The following NTAQ1 variants were observed in gnomAD, a reference collection of about 807,000 sequenced individuals.
NTAQ1 encodes the protein N-terminal glutamine amidase 1.
NTAQ1 carries 21 observed loss-of-function variants against 28.2 expected under a neutral mutation model. The observed-to-expected ratio is 0.74, with a 90% CI of 0.53 to 1.07. The LOEUF is 1.07. NTAQ1 is among the 50% of genes least tolerant of loss of function. The pLI is 0.00. For synonymous variants in NTAQ1, 105 were observed against 90.0 expected, an observed-to-expected ratio of 1.17 and a Z score of -0.94; for missense variants, 264 against 256.6, an observed-to-expected ratio of 1.03 and a Z score of -0.20.
chr8:123,460,218 G>A (rs775835322), intron 6 of NTAQ1, among the ~76,000 whole-genome samples: 2 of 152,050 alleles, frequency 1.3e-5, no homozygotes, highest in African/African-American at 4.8e-5. Flanking sequence ...TACTCATTTT[G>A]TGCCAGGCAC....
chr8:123,447,504 G>A (rs1815334800), intron 6 of NTAQ1, among the ~76,000 whole-genome samples: 1 of 152,166 alleles, frequency 6.6e-6, no homozygotes, highest in East Asian at 1.9e-4. Context: ...ACAATCTGAT[G>A]GGGTTGGCAC....
At chr8:123,448,323 G>A (rs1370389567), downstream of NTAQ1, 2 of 152,164 alleles carry the variant, frequency 1.3e-5, no homozygotes, top group African/African-American at 4.8e-5. Context: ...AGAATTTGTG[G>A]TGTTCCAGGC....
rs1815091940 is a variant in NTAQ1 at position 123,441,967 on chromosome 8, T to G, written c.*552T>G. 1 of 152,786 alleles carries G rather than the reference T, an allele frequency of 6.5e-6. No homozygotes were observed. The highest frequency in any genetic ancestry group is 2.1e-4 in the South Asian group (1 of 4,840). 9.5% of individuals were successfully genotyped at this position (152,786 alleles called of 1,614,324 possible). On this transcript the variant is annotated 3_prime_UTR_variant, in exon 6 of 6. Transcript: ENST00000287387. The stretch of plus-strand genomic sequence containing the variant: ...AAAAAGACTGCAGCCCTCTCAGACT[T>G]GAGCGTTAATTGGCTTATTTATTTA...
At chr8:123,452,161 T>C (rs1465236963), downstream of NTAQ1, among the ~76,000 whole-genome samples, 1 of 152,226 alleles carries the variant, frequency 6.6e-6, no homozygotes, top group African/African-American at 2.4e-5. Flanking sequence ...GCTCACAGTA[T>C]ACTTTTCCCC....
At chr8:123,466,379 G>T (rs1373742841) in intron 6 of NTAQ1, among the ~76,000 whole-genome samples, 2 of 152,184 alleles carry the variant, frequency 1.3e-5, no homozygotes, top group Non-Finnish European at 2.9e-5. Flanking sequence ...GAGGATTATG[G>T]CGCATGGTGC....
downstream of NTAQ1, among the ~76,000 whole-genome samples, chr8:123,470,445 A>T (rs533143193): frequency 5.4e-4 from 83 of 152,358 alleles, 1 homozygote; most frequent in African/African-American, 1.9e-3. Flanking sequence ...CTACAGGCTG[A>T]GGGTTACAAC....
rs191985514 is a variant in NTAQ1 at position 123,417,010 on chromosome 8, G to T, written c.83+78G>T. Reference sequence around the variant, plus strand: ...TCGCAACCGGGCCCCGCCTCTTCCCGGCCCCTCCTCGGGGGCGCTCCCGGC... The same window carrying T: ...TCGCAACCGGGCCCCGCCTCTTCCCTGCCCCTCCTCGGGGGCGCTCCCGGC... On this transcript the variant is annotated intron_variant, in intron 1 of 5. Coordinates refer to ENST00000287387, the MANE Select transcript of NTAQ1 (RefSeq NM_018024.3). The T allele has an allele frequency of 9.1e-4, 1,220 of 1,341,704 alleles. 7 individuals carry two copies. The African/African-American group carries it at 0.014, about 16-fold the overall frequency. The allele number at this position is 1,341,704 out of a possible 1,614,324, so 83.1% of individuals were successfully genotyped here.
At chr8:123,421,374 C>T (rs1478857202) in intron 1 of NTAQ1, among the ~76,000 whole-genome samples, 1 of 152,186 alleles carries the variant, frequency 6.6e-6, no homozygotes, top group East Asian at 1.9e-4. Flanking sequence ...GCTACTGCAC[C>T]TGGCCTGACT....
intron 6 of NTAQ1, chr8:123,455,244 C>G (rs1815613562): frequency 1.3e-5 from 2 of 152,344 alleles, no homozygotes; most frequent in African/African-American, 2.4e-5. Flanking sequence ...CCATGCACAC[C>G]TCCGTCCCTG....
chr8:123,441,520 T>A lies in NTAQ1; in HGVS notation c.*105T>A. On this transcript the variant is annotated 3_prime_UTR_variant, in exon 6 of 6. Transcript: ENST00000287387. ...ATGGTACAGTTGGCTTGGAATTATG[T>A]CTTTCTCTTTTAATTTGATTGAGTG... 1 of 848,932 alleles carries A rather than the reference T, an allele frequency of 1.2e-6. No homozygotes were observed. Among genetic ancestry groups the A allele is most frequent in the Non-Finnish European group, 1.9e-6 (1 of 530,106 alleles). The allele number at this position is 848,932 out of a possible 1,614,324, so 52.6% of individuals were successfully genotyped here.
At chr8:123,418,733 A>T (rs915236926) in intron 1 of NTAQ1, among the ~76,000 whole-genome samples, 4 of 152,210 alleles carry the variant, frequency 2.6e-5, no homozygotes, top group Non-Finnish European at 5.9e-5. Context: ...GGCTGGTACA[A>T]CTGGAGTATT....
intron 2 of NTAQ1, among the ~76,000 whole-genome samples, chr8:123,429,260 C>T (rs181306462): frequency 2.0e-5 from 3 of 152,346 alleles, no homozygotes; most frequent in Admixed American, 6.5e-5. Context: ...CCTTTTCACT[C>T]TCCAAAGACC....
chr8:123,441,219 C>A, intron 5 of NTAQ1, 87 bp from the exon 6 acceptor site: 1 of 974,470 alleles, frequency 1.0e-6, no homozygotes, highest in Non-Finnish European at 1.6e-6. Context: ...AATAATTTTA[C>A]CTACTTTTGG....
At chr8:123,419,677 T>G (rs35680076) in intron 1 of NTAQ1, among the ~76,000 whole-genome samples, 1 of 150,286 alleles carries the variant, frequency 6.7e-6, no homozygotes, top group South Asian at 2.1e-4. Flanking sequence ...ACCCCTGGAG[T>G]GTCCCAACCT....
intron 5 of NTAQ1, among the ~76,000 whole-genome samples, chr8:123,438,512 C>T (rs1049793076): frequency 1.3e-5 from 2 of 151,606 alleles, no homozygotes; most frequent in Admixed American, 6.6e-5. Flanking sequence ...AAAAATTAGC[C>T]GGGTGTGGTG....
At chr8:123,474,551 C>G (rs944370405), downstream of NTAQ1, among the ~76,000 whole-genome samples, 1 of 152,148 alleles carries the variant, frequency 6.6e-6, no homozygotes, top group African/African-American at 2.4e-5. Context: ...CCAGGTTTCT[C>G]CACTAAATTA....
At position 123,437,178 on chromosome 8, in the gene NTAQ1, C is replaced by T. The variant is rs767560426; in HGVS notation, c.384-32C>T. 74 of 1,611,672 alleles carry T rather than the reference C, an allele frequency of 4.6e-5. 1 individual carries two copies. In the Admixed American group the frequency reaches 1.2e-3, roughly 26 times the overall value. On this transcript the variant is annotated intron_variant, in intron 4 of 5. Coordinates refer to ENST00000287387, the MANE Select transcript of NTAQ1 (RefSeq NM_018024.3). ...GTTAGAATTTCAAACATGACATCTC[C>T]CTAATGTGAGTGTATATTGATTTTT...
exon 7 of NTAQ1, among the ~76,000 whole-genome samples, chr8:123,469,819 G>C (rs1205312791): frequency 1.3e-5 from 2 of 152,230 alleles, no homozygotes; most frequent in African/African-American, 4.8e-5. Flanking sequence ...AGTCTCTGCT[G>C]TCTGTGAGTC....
downstream of NTAQ1, among the ~76,000 whole-genome samples, chr8:123,472,143 G>T (rs1816048277): frequency 6.6e-6 from 1 of 152,178 alleles, no homozygotes; most frequent in Non-Finnish European, 1.5e-5. Context: ...AGTGACTCAG[G>T]AGAGTTGTGA....
Sources: gnomAD v4.1 joint callset for allele counts (sites outside exome capture counted in the v4.1 genomes callset) on GRCh38, gnomAD v4.1.1 for gene constraint, MANE v1.5 for transcripts, NCBI Gene and HGNC (gene_info 2026-07-23, HGNC 2026-07-21) for gene names.